RIMS2: variants seen among roughly 807,000 people sequenced by gnomAD.
The protein encoded by RIMS2 is regulating synaptic membrane exocytosis protein 2.
RIMS2 carries 59 observed loss-of-function variants against 174.4 expected under a neutral mutation model. That is an observed-to-expected ratio of 0.34 (90% CI 0.27 to 0.42). The LOEUF is 0.42. Ranked by LOEUF, RIMS2 falls within the 10% of genes least tolerant of loss-of-function variation. RIMS2 has a pLI of 1.00. For synonymous variants in RIMS2, 606 were observed against 572.5 expected (o/e 1.06, Z -0.84); for missense variants, 1,620 against 1,666.3 (o/e 0.97, Z 0.48).
intron 1 of RIMS2, among the ~76,000 whole-genome samples, chr8:103,503,695 T>C (rs149956956): frequency 1.3e-5 from 2 of 152,160 alleles, no homozygotes; most frequent in East Asian, 3.9e-4. Context: ...TATTTTTGCA[T>C]GATCTGTGAG....
chr8:104,139,519 G>A (rs1309045142), intron 19 of RIMS2, among the ~76,000 whole-genome samples: 1 of 151,930 alleles, frequency 6.6e-6, no homozygotes, highest in Non-Finnish European at 1.5e-5. Context: ...GTCATTTGTA[G>A]CTATTATATG....
intron 1 of RIMS2, among the ~76,000 whole-genome samples, chr8:103,633,502 T>A (rs1279429960): frequency 1.5e-4 from 23 of 152,312 alleles, no homozygotes; most frequent in African/African-American, 5.1e-4. Flanking sequence ...AGTTTTCTTT[T>A]TCTCTTGTCT....
chr8:104,101,066 GTTAT>G (rs2097884504), intron 19 of RIMS2, among the ~76,000 whole-genome samples: 1 of 139,368 alleles, frequency 7.2e-6, no homozygotes, highest in Non-Finnish European at 1.5e-5. Context: ...TGTAATATAT[GTTAT>G]ATATTATATT....
At chr8:103,931,209 T>G in intron 11 of RIMS2, 54 bp from the exon 14 acceptor site, 1 of 1,314,126 alleles carries the variant, frequency 7.6e-7, no homozygotes, top group Non-Finnish European at 1.1e-6. Context: ...AAAGTAAACA[T>G]TGTGTTTGTG....
At chr8:104,249,150 C>T (rs994098354) in intron 21 of RIMS2, among the ~76,000 whole-genome samples, 10 of 151,790 alleles carry the variant, frequency 6.6e-5, no homozygotes, top group Non-Finnish European at 1.3e-4. Flanking sequence ...CCAAGCTGGT[C>T]TCAAACTCCT....
intron 19 of RIMS2, among the ~76,000 whole-genome samples, chr8:104,194,370 A>T (rs76419403): frequency 1.3e-5 from 2 of 152,284 alleles, no homozygotes; most frequent in Non-Finnish European, 2.9e-5. Context: ...AGTGTTTCAA[A>T]ATCTTTATGG....
chr8:104,156,777 G>T (rs1453491436), intron 19 of RIMS2, among the ~76,000 whole-genome samples: 1 of 152,102 alleles, frequency 6.6e-6, no homozygotes, highest in Non-Finnish European at 1.5e-5. Flanking sequence ...AAACTCAATT[G>T]CTGGCCAACT....
At position 104,053,320 on chromosome 8, in the gene RIMS2, C is replaced by A. The variant is rs967149053; in HGVS notation, c.3334+38705C>A. Reference sequence around the variant, plus strand: ...AGTATACAAGGCTCAGTTGAATGAACCCAGATGCTCAAGTTATATAAAAAC... The same window carrying A: ...AGTATACAAGGCTCAGTTGAATGAAACCAGATGCTCAAGTTATATAAAAAC... On this transcript the variant is annotated intron_variant, in intron 19 of 23. Transcript: ENST00000504942. Among the ~76,000 whole-genome samples the A allele has an allele frequency of 2.6e-5, 4 of 152,224 alleles. No homozygotes were observed. The East Asian group carries it at 7.7e-4, about 29-fold the overall frequency.
At chr8:103,630,962 G>A (rs2095903749) in intron 1 of RIMS2, among the ~76,000 whole-genome samples, 1 of 151,922 alleles carries the variant, frequency 6.6e-6, no homozygotes, top group Admixed American at 6.6e-5. Context: ...CTTTTTAATG[G>A]GCTTGCCTGT....
intron 1 of RIMS2, among the ~76,000 whole-genome samples, chr8:103,674,802 TTA>T (rs1298328468): frequency 2.6e-5 from 4 of 152,172 alleles, no homozygotes; most frequent in African/African-American, 9.6e-5. Flanking sequence ...ATTTTTAGAA[TTA>T]TGTTTTCTCA....
intron 1 of RIMS2, among the ~76,000 whole-genome samples, chr8:103,689,473 A>G (rs1165820684): frequency 6.6e-6 from 1 of 152,124 alleles, no homozygotes; most frequent in Non-Finnish European, 1.5e-5. Flanking sequence ...TCCAGCTATC[A>G]TTGTATTTAG....
chr8:103,507,525 TC>T (rs948477017), intron 1 of RIMS2, among the ~76,000 whole-genome samples: 5 of 152,030 alleles, frequency 3.3e-5, no homozygotes, highest in African/African-American at 1.2e-4. Flanking sequence ...GTACAAACTT[TC>T]AAGGTGAACT....
At chr8:104,217,889 T>C (rs2099137801) in intron 19 of RIMS2, among the ~76,000 whole-genome samples, 1 of 152,198 alleles carries the variant, frequency 6.6e-6, no homozygotes. Flanking sequence ...TGCAATGATA[T>C]TATATTACAG....
chr8:103,790,953 C>T (rs185191545), intron 3 of RIMS2, among the ~76,000 whole-genome samples: 26 of 152,110 alleles, frequency 1.7e-4, no homozygotes, highest in Non-Finnish European at 3.4e-4. Flanking sequence ...GATTGGTGTA[C>T]CTGAAAGTGA....
intron 3 of RIMS2, among the ~76,000 whole-genome samples, chr8:103,854,619 T>C (rs2099017244): frequency 6.6e-6 from 1 of 152,038 alleles, no homozygotes; most frequent in African/African-American, 2.4e-5. Context: ...TCTATTGAGA[T>C]GAACATATGC....
chr8:104,241,129 G>GGGTTAGAA (rs2099290392), intron 19 of RIMS2, among the ~76,000 whole-genome samples: 1 of 151,990 alleles, frequency 6.6e-6, no homozygotes, highest in Non-Finnish European at 1.5e-5. Context: ...CTTCTAATAG[G>GGGTTAGAA]GCCTTCCATA....
At chr8:104,199,819 CTT>C (rs2099045257) in intron 19 of RIMS2, among the ~76,000 whole-genome samples, 1 of 152,128 alleles carries the variant, frequency 6.6e-6, no homozygotes, top group Non-Finnish European at 1.5e-5. Flanking sequence ...AGGAAAGAAA[CTT>C]GAACTGGGTG....
rs1329618632 is a variant in RIMS2 at position 103,755,993 on chromosome 8, G to A, written c.388-10234G>A. Among the ~76,000 whole-genome samples, 8 of 152,132 alleles carry A rather than the reference G, an allele frequency of 5.3e-5. No individual in the cohort carries two copies. In the East Asian group the frequency reaches 1.3e-3, roughly 26 times the overall value. On this transcript the variant is annotated intron_variant, in intron 2 of 23. Transcript: ENST00000504942. ...GCTGGCGAGGGGCTGCAATCCCTTG[G>A]CGGCAAAGAGGTGCTCTGGTGTTTA...
rs541701310 is a variant in RIMS2, at chr8:103,553,069, C to T, written c.176+52007C>T. On this transcript the variant is annotated intron_variant, in intron 1 of 23. Transcript: ENST00000504942. Reference sequence around the variant, plus strand: ...CTCAAGGATCTAGAACTAGAGATACCGTTTGACCCAGCCATCCTATTACTG... The same window carrying T: ...CTCAAGGATCTAGAACTAGAGATACTGTTTGACCCAGCCATCCTATTACTG... Among the ~76,000 whole-genome samples the T allele has an allele frequency of 7.6e-4, 115 of 152,178 alleles. 1 individual carries two copies. Among genetic ancestry groups the T allele is most frequent in the African/African-American group, 2.3e-3 (95 of 41,506 alleles).
Sources: gnomAD v4.1 joint callset for allele counts (sites outside exome capture counted in the v4.1 genomes callset) on GRCh38, gnomAD v4.1.1 for gene constraint, MANE v1.5 for transcripts, NCBI Gene and HGNC (gene_info 2026-07-23, HGNC 2026-07-21) for gene names.